Variants in ENOX1 observed in about 807,000 individuals in gnomAD.
ENOX1 encodes candidate growth-related and time keeping constitutive hydroquinone (NADH) oxidase.
ENOX1 carries 42 observed loss-of-function variants against 82.5 expected under a neutral mutation model. The ratio of observed to expected loss-of-function variants is 0.51; its 90% CI spans 0.40 to 0.66. The LOEUF is 0.66. ENOX1 is among the 30% of genes least tolerant of loss of function. The pLI is 0.00. For synonymous variants in ENOX1, 271 were observed against 282.2 expected, an observed-to-expected ratio of 0.96 and a Z score of 0.40; for missense variants, 608 against 811.6, an observed-to-expected ratio of 0.75 and a Z score of 3.05.
At chr13:43,664,279 T>C (rs2084871321) in intron 2 of ENOX1, among the ~76,000 whole-genome samples, 1 of 152,162 alleles carries the variant, frequency 6.6e-6, no homozygotes, top group Non-Finnish European at 1.5e-5. Context: ...TTTTCAGAAA[T>C]GTGAAATTAG....
intron 13 of ENOX1, among the ~76,000 whole-genome samples, chr13:43,266,244 A>G (rs1169111706): frequency 6.6e-6 from 1 of 152,202 alleles, no homozygotes; most frequent in East Asian, 1.9e-4. Flanking sequence ...GGAAAGCAGC[A>G]TCTCCTCCAT....
chr13:43,274,861 G>T (rs2044911820), intron 12 of ENOX1, among the ~76,000 whole-genome samples: 2 of 152,202 alleles, frequency 1.3e-5, no homozygotes, highest in Non-Finnish European at 2.9e-5. Flanking sequence ...TGGGGATGCA[G>T]ACTTCAGTAT....
At chr13:43,223,901 T>G (rs969944270) in intron 16 of ENOX1, 152 bp downstream of exon 16, 2 of 547,010 alleles carry the variant, frequency 3.7e-6, no homozygotes, top group Non-Finnish European at 6.5e-6. Context: ...GAGAACAAGC[T>G]GCCAAAAACT....
chr13:43,656,089 A>T (rs2084419354), intron 2 of ENOX1, among the ~76,000 whole-genome samples: 1 of 152,254 alleles, frequency 6.6e-6, no homozygotes. Context: ...CAAATTAGAC[A>T]TATAAACTTA....
chr13:43,765,010 A>C (rs1951188380), intron 1 of ENOX1, among the ~76,000 whole-genome samples: 2 of 152,202 alleles, frequency 1.3e-5, no homozygotes, highest in African/African-American at 2.4e-5. Context: ...TTAAATGAGA[A>C]TGTCTGGGCC....
chr13:43,298,362 A>G lies in ENOX1; in HGVS notation c.1430T>C (p.Met477Thr), dbSNP rs1416240525. The G allele has an allele frequency of 6.2e-7, 1 of 1,607,102 alleles. No homozygotes were observed. Among genetic ancestry groups the G allele is most frequent in the Non-Finnish European group, 8.5e-7 (1 of 1,178,250 alleles). ...GCCAGGTACCTGCTGCATGCCTTGCATGGTTTGCTGCAGAAACTGCAGTTG... is the reference window on the plus strand; with the variant it reads ...GCCAGGTACCTGCTGCATGCCTTGCGTGGTTTGCTGCAGAAACTGCAGTTG... The part of the protein sequence containing the change: ...DQQLQFLQQT[M>T]QGMQQQLLTI... Residue 477 changes from methionine (M) to threonine (T), a missense_variant, in exon 12 of 17, where the codon ATG becomes ACG. Physicochemically the swap from Met to Thr is moderately conservative, Grantham distance 81 (BLOSUM62 -1). Coordinates refer to ENST00000690772, the MANE Select transcript of ENOX1 (RefSeq NM_001347969.2).
rs528269151 is a variant in ENOX1 at position 43,730,072 on chromosome 13, C to G, written c.-285+56580G>C. On this transcript the variant is annotated intron_variant, in intron 1 of 16. Transcript: ENST00000690772. Reference sequence around the variant, plus strand: ...CACCCTGTGGGGGATCCTCATCACTCTCAGGGGCATTCCCTCTCACCCATG... The same window carrying G: ...CACCCTGTGGGGGATCCTCATCACTGTCAGGGGCATTCCCTCTCACCCATG... Among the ~76,000 whole-genome samples, 3 of 152,354 alleles carry G rather than the reference C, an allele frequency of 2.0e-5. No homozygotes were observed. The South Asian group carries it at 6.2e-4, about 32-fold the overall frequency.
chr13:43,500,453 A>T (rs988301433), intron 2 of ENOX1, among the ~76,000 whole-genome samples: 1 of 152,110 alleles, frequency 6.6e-6, no homozygotes, highest in Non-Finnish European at 1.5e-5. Flanking sequence ...AGAGAAAAAA[A>T]GTTGCCATCT....
At chr13:43,562,399 C>T (rs929845241) in intron 2 of ENOX1, among the ~76,000 whole-genome samples, 2 of 151,640 alleles carry the variant, frequency 1.3e-5, no homozygotes, top group Non-Finnish European at 2.9e-5. Context: ...AATTAAAAAG[C>T]AAGAAATCAA....
intron 9 of ENOX1, among the ~76,000 whole-genome samples, chr13:43,334,674 A>G (rs978822456): frequency 6.6e-6 from 1 of 152,128 alleles, no homozygotes; most frequent in Non-Finnish European, 1.5e-5. Context: ...CTCTCTACAA[A>G]AGTGTATTGA....
At chr13:43,467,524 TTTA>T (rs2057787037) in intron 3 of ENOX1, among the ~76,000 whole-genome samples, 1 of 151,768 alleles carries the variant, frequency 6.6e-6, no homozygotes, top group Admixed American at 6.6e-5. Flanking sequence ...ATTTTAAAAT[TTTA>T]AATTTTAAAA....
rs188698806 is a variant in ENOX1 at position 43,293,300 on chromosome 13, C to T, written c.1446+5046G>A. Among the ~76,000 whole-genome samples, 119 of 152,228 alleles carry T rather than the reference C, an allele frequency of 7.8e-4. 1 individual carries two copies. The Middle Eastern group carries it at 0.01, about 13-fold the overall frequency. ...TTTACCACCATAGCTAATAAGGCCA[C>T]CACAGCCAGCACCCCCACCACGGCC... On this transcript the variant is annotated intron_variant, in intron 12 of 16. Coordinates refer to ENST00000690772, the MANE Select transcript of ENOX1 (RefSeq NM_001347969.2).
In ENOX1 at chr13:43,354,491, C is replaced by A. The variant is rs988789315; in HGVS notation, c.823+1428G>T. On this transcript the variant is annotated intron_variant, in intron 8 of 16. Coordinates refer to ENST00000690772, the MANE Select transcript of ENOX1 (RefSeq NM_001347969.2). Reference sequence around the variant, plus strand: ...CACCTTTTTTTTTTTTTTTTTAAAGCATAGAATGTCAACTTCCTATCTTCC... The same window carrying A: ...CACCTTTTTTTTTTTTTTTTTAAAGAATAGAATGTCAACTTCCTATCTTCC... 1.3e-3 allele frequency among the ~76,000 whole-genome samples: 198 copies of A among 147,746 alleles called. 2 individuals are homozygous for A. Among genetic ancestry groups the A allele is most frequent in the Middle Eastern group, 0.01 (3 of 286 alleles).
chr13:43,633,710 G>T (rs894568477), intron 2 of ENOX1, among the ~76,000 whole-genome samples: 6 of 151,590 alleles, frequency 4.0e-5, no homozygotes, highest in African/African-American at 1.5e-4. Context: ...GTGTGTGTGT[G>T]TGTGGATAGG....
intron 2 of ENOX1, among the ~76,000 whole-genome samples, chr13:43,602,715 G>A (rs1425262118): frequency 2.0e-5 from 3 of 151,958 alleles, no homozygotes; most frequent in South Asian, 4.2e-4. Context: ...ATAATACCAA[G>A]GGTTTGAGGA....
intron 12 of ENOX1, among the ~76,000 whole-genome samples, chr13:43,289,105 G>C (rs907153500): frequency 2.0e-5 from 3 of 152,138 alleles, no homozygotes; most frequent in African/African-American, 7.2e-5. Context: ...TCATGCTCAT[G>C]GGTTGGAAGA....
chr13:43,230,726 G>C (rs1349988716), intron 15 of ENOX1, among the ~76,000 whole-genome samples: 1 of 152,036 alleles, frequency 6.6e-6, no homozygotes, highest in Admixed American at 6.5e-5. Context: ...CTCCCCCACC[G>C]CTCAGGGCTG....
At chr13:43,563,356 C>T (rs2079770782) in intron 2 of ENOX1, among the ~76,000 whole-genome samples, 1 of 151,930 alleles carries the variant, frequency 6.6e-6, no homozygotes, top group African/African-American at 2.4e-5. Flanking sequence ...AATAGAAACA[C>T]AACATTCCAA....
chr13:43,227,776 TAA>T (rs1555288959), intron 15 of ENOX1, among the ~76,000 whole-genome samples: 1 of 152,148 alleles, frequency 6.6e-6, no homozygotes, highest in Non-Finnish European at 1.5e-5. Context: ...CTTTTCCTTA[TAA>T]GAGTTCAGCA....
Sources: allele counts gnomAD v4.1 joint callset (sites outside exome capture counted in the v4.1 genomes callset), GRCh38; gene constraint gnomAD v4.1.1; transcripts MANE v1.5; gene names NCBI Gene and HGNC (gene_info 2026-07-23, HGNC 2026-07-21).